The following SYN3 variants were observed in gnomAD, a reference collection of about 807,000 sequenced individuals.
The protein encoded by SYN3 is synapsin III.
A neutral mutation model predicts 65.8 loss-of-function variants in SYN3; 35 were observed. The ratio of observed to expected loss-of-function variants is 0.53; its 90% CI spans 0.41 to 0.70. SYN3 has a LOEUF of 0.70. SYN3 is among the 30% of genes least tolerant of loss of function. The pLI is 0.00. For missense variants in SYN3, 680 were observed against 749.0 expected (o/e 0.91, Z 1.08); for synonymous variants, 270 against 292.9 (o/e 0.92, Z 0.80).
chr22:32,808,182 C>T (rs1166215537), intron 6 of SYN3, among the ~76,000 whole-genome samples: 1 of 152,218 alleles, frequency 6.6e-6, no homozygotes. Context: ...TTTATTACAC[C>T]AAGTTGTTTG....
chr22:32,695,366 G>T (rs1466754836), intron 6 of SYN3, among the ~76,000 whole-genome samples: 3 of 151,972 alleles, frequency 2.0e-5, no homozygotes, highest in Non-Finnish European at 4.4e-5. Flanking sequence ...TCCCATGTTA[G>T]ATCTTGTCTG....
intron 3 of SYN3, among the ~76,000 whole-genome samples, chr22:32,947,831 T>C (rs2051160304): frequency 6.6e-6 from 1 of 152,224 alleles, no homozygotes; most frequent in Non-Finnish European, 1.5e-5. Context: ...AGGTCAGAAG[T>C]CCAGGTTAGC....
intron 6 of SYN3, among the ~76,000 whole-genome samples, chr22:32,651,282 G>A (rs983950283): frequency 6.6e-6 from 1 of 152,194 alleles, no homozygotes; most frequent in African/African-American, 2.4e-5. Flanking sequence ...ATTGATGTGT[G>A]TGGGGTGATG....
rs976251641 is a variant in SYN3, at chr22:32,744,536, A to G, written c.711+120379T>C. ...TAAGAAATTCATCTATTTAATCTTC[A>G]GAACCCAATCCTCTCCTTATCTTCA... On this transcript the variant is annotated intron_variant, in intron 6 of 13. Coordinates refer to ENST00000358763, the MANE Select transcript of SYN3 (RefSeq NM_003490.4). 7.9e-5 allele frequency among the ~76,000 whole-genome samples: 12 copies of G among 152,360 alleles called. No individual in the cohort carries two copies. The East Asian group carries it at 2.3e-3, about 29-fold the overall frequency.
At chr22:32,800,358 T>C (rs753231782) in intron 6 of SYN3, among the ~76,000 whole-genome samples, 1 of 152,172 alleles carries the variant, frequency 6.6e-6, no homozygotes, top group East Asian at 1.9e-4. Flanking sequence ...GGGAAATGCA[T>C]GTCTCTCTTC....
At chr22:32,869,901 G>A (rs183390312) in intron 4 of SYN3, among the ~76,000 whole-genome samples, 27 of 152,038 alleles carry the variant, frequency 1.8e-4, no homozygotes, top group Admixed American at 7.2e-4. Flanking sequence ...TGAACTTTCC[G>A]AATCACAAAG....
At chr22:32,732,811 G>A (rs574009042) in intron 6 of SYN3, among the ~76,000 whole-genome samples, 32 of 152,300 alleles carry the variant, frequency 2.1e-4, no homozygotes, top group Middle Eastern at 3.4e-3. Flanking sequence ...CATATTTACT[G>A]ACCATCCACT....
chr22:32,553,901 G>C (rs889046359), intron 7 of SYN3, among the ~76,000 whole-genome samples: 1 of 152,174 alleles, frequency 6.6e-6, no homozygotes, highest in African/African-American at 2.4e-5. Context: ...TGGGAGAAAG[G>C]CTGGCTTTGA....
intron 6 of SYN3, among the ~76,000 whole-genome samples, chr22:32,825,105 C>T (rs2047363298): frequency 6.6e-6 from 1 of 152,058 alleles, no homozygotes; most frequent in Non-Finnish European, 1.5e-5. Flanking sequence ...GTTTGGTAAA[C>T]AGCTGGCCTC....
At chr22:32,802,783 C>G (rs187741509) in intron 6 of SYN3, among the ~76,000 whole-genome samples, 1 of 152,258 alleles carries the variant, frequency 6.6e-6, no homozygotes, top group Admixed American at 6.5e-5. Context: ...GCAGAAGGTG[C>G]GAGGGGTCAC....
At chr22:32,918,448 T>C (rs1168291783) in intron 4 of SYN3, among the ~76,000 whole-genome samples, 5 of 152,218 alleles carry the variant, frequency 3.3e-5, no homozygotes, top group African/African-American at 4.8e-5. Context: ...AAGCAATCTT[T>C]CTGGCTATCT....
At chr22:32,759,403 C>T (rs1052069977) in intron 6 of SYN3, among the ~76,000 whole-genome samples, 1 of 152,092 alleles carries the variant, frequency 6.6e-6, no homozygotes, top group Non-Finnish European at 1.5e-5. Flanking sequence ...TATTAGTTGA[C>T]CATGAAAATC....
intron 13 of SYN3, among the ~76,000 whole-genome samples, chr22:32,515,652 A>G (rs1285271896): frequency 6.6e-6 from 1 of 152,222 alleles, no homozygotes; most frequent in African/African-American, 2.4e-5. Context: ...ATGAAAGTAT[A>G]TGTTCAGATT....
chr22:32,853,186 C>T (rs1569276753), intron 6 of SYN3, among the ~76,000 whole-genome samples: 1 of 152,224 alleles, frequency 6.6e-6, no homozygotes, highest in Non-Finnish European at 1.5e-5. Flanking sequence ...ATTCTTCTTG[C>T]AATGCCCGTG....
intron 3 of SYN3, among the ~76,000 whole-genome samples, chr22:32,941,354 A>G (rs1175816815): frequency 1.3e-5 from 2 of 152,236 alleles, no homozygotes; most frequent in African/African-American, 4.8e-5. Flanking sequence ...AACATTCTTT[A>G]ACATTTTAAC....
intron 6 of SYN3, among the ~76,000 whole-genome samples, chr22:32,788,467 G>A (rs949393394): frequency 2.6e-5 from 4 of 152,020 alleles, no homozygotes; most frequent in African/African-American, 9.7e-5. Context: ...CTTGAACTCA[G>A]AAGGCGGAGG....
chr22:32,674,895 C>T (rs1321137070), intron 6 of SYN3, among the ~76,000 whole-genome samples: 1 of 152,160 alleles, frequency 6.6e-6, no homozygotes, highest in African/African-American at 2.4e-5. Context: ...ATTATCTCAT[C>T]TAATCATCAC....
At chr22:32,618,383 A>T (rs1226862442) in intron 6 of SYN3, among the ~76,000 whole-genome samples, 2 of 152,136 alleles carry the variant, frequency 1.3e-5, no homozygotes, top group African/African-American at 2.4e-5. Flanking sequence ...ATGGGAACAA[A>T]CAAACCGGGC....
chr22:32,614,805 A>C (rs2146707400), intron 6 of SYN3, among the ~76,000 whole-genome samples: 1 of 152,310 alleles, frequency 6.6e-6, no homozygotes, highest in East Asian at 1.9e-4. Context: ...CAAGCCTTAA[A>C]ACTCAAGAGC....
Sources: allele counts gnomAD v4.1 joint callset (sites outside exome capture counted in the v4.1 genomes callset), GRCh38; gene constraint gnomAD v4.1.1; transcripts MANE v1.5; gene names NCBI Gene and HGNC (gene_info 2026-07-23, HGNC 2026-07-21).